AIMP2: variants seen among roughly 807,000 people sequenced by gnomAD.
The protein encoded by AIMP2 is aminoacyl tRNA synthase complex-interacting multifunctional protein 2.
AIMP2 carries 20 observed loss-of-function variants against 23.4 expected under a neutral mutation model. The observed-to-expected ratio is 0.85, with a 90% CI of 0.60 to 1.24. The LOEUF is 1.24. Ranked by LOEUF, AIMP2 falls within the 50% of genes most tolerant of loss-of-function variation. AIMP2 has a pLI of 0.00. For synonymous variants in AIMP2, 210 were observed against 170.4 expected (o/e 1.23, Z -1.81); for missense variants, 515 against 414.5 (o/e 1.24, Z -2.10).
intron 2 of AIMP2, among the ~76,000 whole-genome samples, chr7:6,015,728 C>A (rs1434152774): frequency 6.6e-6 from 1 of 152,164 alleles, no homozygotes; most frequent in African/African-American, 2.4e-5. Flanking sequence ...CGTCTCAAAA[C>A]AAAAACAAAA....
chr7:6,019,164 C>T (rs978038556), intron 3 of AIMP2, among the ~76,000 whole-genome samples: 6 of 151,874 alleles, frequency 4.0e-5, no homozygotes, highest in African/African-American at 1.4e-4. Context: ...CACCCTGTGA[C>T]GCTAATCATC....
chr7:6,021,756 T>C (rs561621747), intron 3 of AIMP2, among the ~76,000 whole-genome samples: 1 of 152,294 alleles, frequency 6.6e-6, no homozygotes, highest in East Asian at 1.9e-4. Flanking sequence ...GGCTTCTGAT[T>C]ATTCAAGGCT....
Position 6,018,146 on chromosome 7 carries a change from CTTTTTTTTT to C in AIMP2, c.574+111_574+119del, listed in dbSNP as rs371698854. On this transcript the variant is annotated intron_variant, in intron 3 of 3. Transcript: ENST00000223029. Reference sequence around the variant, plus strand: ...TTTACATGTGGATTTTTTTCTTTTTCTTTTTTTTTTTTTTTTTTGAGACAGAGTCTCGCT... The same window carrying C: ...TTTACATGTGGATTTTTTTCTTTTTCTTTTTTTTTGAGACAGAGTCTCGCT... The C allele has an allele frequency of 3.4e-5, 20 of 591,814 alleles. No individual in the cohort carries two copies. The East Asian group carries it at 4.1e-4, about 12-fold the overall frequency. The allele number at this position is 591,814 out of a possible 1,614,324, so 36.7% of individuals were successfully genotyped here. A position where few individuals can be genotyped will look rare whatever the true frequency, so the allele number is the denominator to read the frequency against.
intron 1 of AIMP2, among the ~76,000 whole-genome samples, chr7:6,009,974 A>AAAAAAATACATATATATAT: frequency 3.8e-5 from 1 of 26,662 alleles, no homozygotes; most frequent in African/African-American, 1.4e-4. Context: ...AAAAAAAAAA[A>AAAAAAATACATATATATAT]ATATATATAT....
chr7:6,015,390 T>G, intron 2 of AIMP2, 38 bp downstream of exon 2: 1 of 1,602,702 alleles, frequency 6.2e-7, no homozygotes, highest in Non-Finnish European at 8.5e-7. Flanking sequence ...TAGTAGGTAC[T>G]GAGTGGTTAG....
rs1490619198 is a variant in AIMP2, at chr7:6,020,074, G to C, written c.574+2029G>C. Among the ~76,000 whole-genome samples the C allele has an allele frequency of 3.3e-5, 5 of 151,546 alleles. No homozygotes were observed. In the East Asian group the frequency reaches 7.8e-4, roughly 24 times the overall value. On this transcript the variant is annotated intron_variant, in intron 3 of 3. Transcript: ENST00000223029. The stretch of plus-strand genomic sequence containing the variant: ...GAAGGCGTCACTATAGCTGCACCAG[G>C]AGGTGCAAAAACCTTGCACTTTTTG...
At chr7:6,014,250 CTTTTTTT>C (rs57008315) in intron 1 of AIMP2, among the ~76,000 whole-genome samples, 1 of 67,518 alleles carries the variant, frequency 1.5e-5, no homozygotes, top group Non-Finnish European at 2.6e-5. Flanking sequence ...TTTGTTGAAG[CTTTTTTT>C]TTTTTTTTTT....
At chr7:6,009,974 A>AAAAATATAT in intron 1 of AIMP2, among the ~76,000 whole-genome samples, 4 of 26,668 alleles carry the variant, frequency 1.5e-4, no homozygotes, top group African/African-American at 4.2e-4. Flanking sequence ...AAAAAAAAAA[A>AAAAATATAT]ATATATATAT....
intron 3 of AIMP2, among the ~76,000 whole-genome samples, chr7:6,018,360 G>C (rs1229527582): frequency 6.6e-6 from 1 of 150,402 alleles, no homozygotes; most frequent in African/African-American, 2.4e-5. Flanking sequence ...ATATTGGTCA[G>C]GCTGGTCTCA....
intron 1 of AIMP2, among the ~76,000 whole-genome samples, chr7:6,014,747 TCTCA>T (rs1786910990): frequency 6.6e-6 from 1 of 151,744 alleles, no homozygotes; most frequent in Non-Finnish European, 1.5e-5. Context: ...TGAGATGGAG[TCTCA>T]CTCTGTCACC....
intron 1 of AIMP2, among the ~76,000 whole-genome samples, chr7:6,013,504 G>C (rs1002526571): frequency 6.6e-6 from 1 of 152,006 alleles, no homozygotes; most frequent in Non-Finnish European, 1.5e-5. Flanking sequence ...CAGGTGATCT[G>C]CCCCTCTCGG....
At chr7:6,015,901 G>C (rs1393031929) in intron 2 of AIMP2, among the ~76,000 whole-genome samples, 1 of 152,198 alleles carries the variant, frequency 6.6e-6, no homozygotes, top group Admixed American at 6.6e-5. Flanking sequence ...AGGACAGGGA[G>C]GATCTGTAGG....
At position 6,014,314 on chromosome 7, in the gene AIMP2, G is replaced by T. The variant is rs576899412; in HGVS notation, c.136-832G>T. ...GCTCTGTCGCCCAGGCTGGAGTTCAGTGGTGCGATCTTGGCTCACTGCAAC... is the reference window on the plus strand; with the variant it reads ...GCTCTGTCGCCCAGGCTGGAGTTCATTGGTGCGATCTTGGCTCACTGCAAC... On this transcript the variant is annotated intron_variant, in intron 1 of 3. Coordinates refer to ENST00000223029, the MANE Select transcript of AIMP2 (RefSeq NM_006303.4). Among the ~76,000 whole-genome samples, 5 of 126,412 alleles carry T rather than the reference G, an allele frequency of 4.0e-5. No individual in the cohort carries two copies. The Admixed American group carries it at 5.0e-4, about 13-fold the overall frequency. 82.9% of individuals were successfully genotyped at this position (126,412 alleles called of 152,430 possible).
At chr7:6,009,641 G>A in intron 1 of AIMP2, 143 bp downstream of exon 1, 1 of 705,008 alleles carries the variant, frequency 1.4e-6, no homozygotes, top group Non-Finnish European at 2.0e-6. Flanking sequence ...GACTCACTCA[G>A]ACTTTTATGT....
At position 6,009,362 on chromosome 7, in the gene AIMP2, C is replaced by T. The variant is rs1786343131; in HGVS notation, c.-2C>T. Reference sequence around the variant, plus strand: ...GCTACCCCCTTTTGCTTTGGTTCTGCCATGCCGATGTACCAGGTAAAGCCC... The same window carrying T: ...GCTACCCCCTTTTGCTTTGGTTCTGTCATGCCGATGTACCAGGTAAAGCCC... On this transcript the variant is annotated 5_prime_UTR_variant, in exon 1 of 4. Coordinates refer to ENST00000223029, the MANE Select transcript of AIMP2 (RefSeq NM_006303.4). 1 of 1,611,728 alleles carries T rather than the reference C, an allele frequency of 6.2e-7. No homozygotes were observed. The highest frequency in any genetic ancestry group is 1.3e-5 in the African/African-American group (1 of 74,876).
In AIMP2 at chr7:6,012,670, C is replaced by G. The variant is rs1024111124; in HGVS notation, c.136-2476C>G. On this transcript the variant is annotated intron_variant, in intron 1 of 3. Coordinates refer to ENST00000223029, the MANE Select transcript of AIMP2 (RefSeq NM_006303.4). Reference sequence around the variant, plus strand: ...TCTCCCGGGTTCAAGCAATTTTCTCCTGCCTTAGCCTCTCCAGTAGCTGGG... The same window carrying G: ...TCTCCCGGGTTCAAGCAATTTTCTCGTGCCTTAGCCTCTCCAGTAGCTGGG... The G allele has an allele frequency of 5.6e-5, 21 of 375,812 alleles. No homozygotes were observed. In the Admixed American group the frequency reaches 6.0e-4, roughly 11 times the overall value. The allele number at this position is 375,812 out of a possible 1,614,324, so 23.3% of individuals were successfully genotyped here. A position where few individuals can be genotyped will look rare whatever the true frequency, so the allele number is the denominator to read the frequency against.
intron 1 of AIMP2, among the ~76,000 whole-genome samples, chr7:6,009,974 A>AAAAAATAT: frequency 1.1e-4 from 3 of 26,674 alleles, no homozygotes; most frequent in Non-Finnish European, 2.0e-4. Flanking sequence ...AAAAAAAAAA[A>AAAAAATAT]ATATATATAT....
intron 1 of AIMP2, among the ~76,000 whole-genome samples, chr7:6,014,593 A>G (rs1327189917): frequency 6.6e-6 from 1 of 151,846 alleles, no homozygotes; most frequent in Non-Finnish European, 1.5e-5. Context: ...ATTTGCAGGG[A>G]CCTATTGGAC....
chr7:6,013,425 T>A (rs1356204215), intron 1 of AIMP2, among the ~76,000 whole-genome samples: 3 of 67,904 alleles, frequency 4.4e-5, no homozygotes, highest in Non-Finnish European at 1.3e-4. Context: ...CACACCTGGC[T>A]AATTTTTGTA....
Sources: gnomAD v4.1 joint callset for allele counts (sites outside exome capture counted in the v4.1 genomes callset) on GRCh38, gnomAD v4.1.1 for gene constraint, MANE v1.5 for transcripts, NCBI Gene and HGNC (gene_info 2026-07-23, HGNC 2026-07-21) for gene names.